Variants in ZNF407 observed in about 807,000 individuals in gnomAD.
The protein encoded by ZNF407 is zinc finger protein 407.
ZNF407 carries 17 observed loss-of-function variants against 131.2 expected under a neutral mutation model. The ratio of observed to expected loss-of-function variants is 0.13; its 90% CI spans 0.09 to 0.19. The LOEUF (loss-of-function observed/expected upper bound fraction) is 0.19. ZNF407 is among the 10% of genes least tolerant of loss of function. ZNF407 has a pLI of 1.00. For synonymous variants in ZNF407, 1,156 were observed against 1,062.0 expected (o/e 1.09, Z -1.72); for missense variants, 2,681 against 2,830.6 (o/e 0.95, Z 1.20).
intron 4 of ZNF407, among the ~76,000 whole-genome samples, chr18:74,822,624 ATC>A: frequency 1.3e-5 from 2 of 152,220 alleles, no homozygotes; most frequent in South Asian, 4.1e-4. Flanking sequence ...ATTGGTCTAT[ATC>A]TCTGTTTTGG....
intron 3 of ZNF407, among the ~76,000 whole-genome samples, chr18:74,666,122 G>C (rs1485478361): frequency 2.0e-5 from 3 of 152,194 alleles, no homozygotes; most frequent in African/African-American, 7.2e-5. Flanking sequence ...CAGCCTGACT[G>C]CTGTGTGCAC....
intron 1 of ZNF407, among the ~76,000 whole-genome samples, chr18:74,609,446 T>C (rs1599126253): frequency 6.6e-6 from 1 of 152,170 alleles, no homozygotes; most frequent in East Asian, 1.9e-4. Flanking sequence ...TGTAACTCAA[T>C]GGTAAGTATT....
At chr18:74,890,826 C>T (rs1213513184) in intron 7 of ZNF407, among the ~76,000 whole-genome samples, 1 of 152,184 alleles carries the variant, frequency 6.6e-6, no homozygotes, top group Non-Finnish European at 1.5e-5. Flanking sequence ...GAGAGAACAT[C>T]TCAGCCGTGG....
intron 7 of ZNF407, among the ~76,000 whole-genome samples, chr18:74,900,782 T>G (rs1031202744): frequency 3.3e-5 from 5 of 152,244 alleles, no homozygotes; most frequent in Admixed American, 6.5e-5. Flanking sequence ...CACCTATCTT[T>G]TGTTCAGCTT....
At chr18:74,852,191 A>ACACACACG (rs71170325) in intron 4 of ZNF407, among the ~76,000 whole-genome samples, 1 of 74,268 alleles carries the variant, frequency 1.3e-5, no homozygotes, top group Non-Finnish European at 3.0e-5. Context: ...ACACACACAC[A>ACACACACG]CACACACGCA....
chr18:74,697,693 A>G (rs769244911), intron 3 of ZNF407, among the ~76,000 whole-genome samples: 30 of 152,190 alleles, frequency 2.0e-4, no homozygotes, highest in Non-Finnish European at 3.5e-4. Context: ...AAAAAAACCT[A>G]CTTAATTAAA....
chr18:74,734,289 A>C (rs1246612394), intron 3 of ZNF407, among the ~76,000 whole-genome samples: 3 of 152,196 alleles, frequency 2.0e-5, no homozygotes, highest in Non-Finnish European at 4.4e-5. Context: ...ATCACCTCAC[A>C]GCCCAGTATT....
At chr18:74,675,395 C>A (rs374200906) in intron 3 of ZNF407, among the ~76,000 whole-genome samples, 1 of 152,294 alleles carries the variant, frequency 6.6e-6, no homozygotes, top group South Asian at 2.1e-4. Context: ...CTTTCTTTAG[C>A]CTCTTAAGCA....
intron 7 of ZNF407, among the ~76,000 whole-genome samples, chr18:74,900,938 A>G (rs1971516483): frequency 1.3e-5 from 2 of 152,144 alleles, no homozygotes; most frequent in Non-Finnish European, 1.5e-5. Flanking sequence ...TTTTTTCTAG[A>G]AATATGTAAT....
intron 8 of ZNF407, among the ~76,000 whole-genome samples, chr18:75,021,246 A>G (rs578164707): frequency 6.6e-6 from 1 of 151,896 alleles, no homozygotes; most frequent in Non-Finnish European, 1.5e-5. Context: ...TGTGTGTTTT[A>G]TATAATACAT....
intron 8 of ZNF407, among the ~76,000 whole-genome samples, chr18:74,922,184 A>G (rs1363460112): frequency 6.6e-6 from 1 of 152,240 alleles, no homozygotes; most frequent in African/African-American, 2.4e-5. Context: ...AGTCGAGTTG[A>G]AATATCTCTG....
rs192127157 is a variant in ZNF407, at chr18:74,891,882, C to T, written c.5249+1844C>T. Among the ~76,000 whole-genome samples the T allele has an allele frequency of 2.5e-4, 38 of 151,926 alleles. No individual in the cohort carries two copies. The East Asian group carries it at 5.2e-3, about 21-fold the overall frequency. Reference sequence around the variant, plus strand: ...ATAAGGTTTTTATTACTGTTGTTGGCGGGGGATTTTTTTGTTTCAGTATAT... The same window carrying T: ...ATAAGGTTTTTATTACTGTTGTTGGTGGGGGATTTTTTTGTTTCAGTATAT... On this transcript the variant is annotated intron_variant, in intron 7 of 8. Coordinates refer to ENST00000299687, the MANE Select transcript of ZNF407 (RefSeq NM_017757.3).
At chr18:74,657,070 A>C (rs1985491133) in intron 3 of ZNF407, among the ~76,000 whole-genome samples, 1 of 145,080 alleles carries the variant, frequency 6.9e-6, no homozygotes, top group African/African-American at 2.6e-5. Flanking sequence ...ATTCCAGCCA[A>C]GTGTTGAACT....
rs529603701 is a variant in ZNF407, at chr18:74,995,588, A to G, written c.5429-67562A>G. Among the ~76,000 whole-genome samples the G allele has an allele frequency of 2.2e-3, 339 of 152,134 alleles. 2 individuals carry two copies. The highest frequency in any genetic ancestry group is 7.4e-3 in the African/African-American group (308 of 41,492). ...CTCTGTCTCACTGTGCATTTGTTAT[A>G]TTTCTTTTTTCTTTCTGTTTTCTAG... On this transcript the variant is annotated intron_variant, in intron 8 of 8. Coordinates refer to ENST00000299687, the MANE Select transcript of ZNF407 (RefSeq NM_017757.3).
intron 3 of ZNF407, among the ~76,000 whole-genome samples, chr18:74,721,277 T>C (rs897421277): frequency 6.6e-6 from 1 of 152,146 alleles, no homozygotes; most frequent in African/African-American, 2.4e-5. Flanking sequence ...CGGGACCACT[T>C]TCTTGATTTC....
At chr18:74,940,969 T>C (rs1568277277) in intron 8 of ZNF407, among the ~76,000 whole-genome samples, 1 of 152,162 alleles carries the variant, frequency 6.6e-6, no homozygotes, top group Non-Finnish European at 1.5e-5. Flanking sequence ...TGAACTTTCT[T>C]TCTAGACGCT....
At chr18:74,897,779 C>G (rs534780448) in intron 7 of ZNF407, among the ~76,000 whole-genome samples, 3 of 152,292 alleles carry the variant, frequency 2.0e-5, no homozygotes, top group African/African-American at 7.2e-5. Flanking sequence ...GGAAAACTCT[C>G]TAATCTCCAG....
chr18:74,991,198 C>T (rs538812550), intron 8 of ZNF407, among the ~76,000 whole-genome samples: 59 of 152,202 alleles, frequency 3.9e-4, no homozygotes, highest in Admixed American at 1.0e-3. Context: ...GCTGATAGCA[C>T]GCAGATAAAA....
intron 3 of ZNF407, among the ~76,000 whole-genome samples, chr18:74,780,109 A>G (rs1969569086): frequency 1.3e-5 from 2 of 151,928 alleles, no homozygotes; most frequent in South Asian, 4.1e-4. Context: ...CCAGTTGTTT[A>G]TAGTTGTAAA....
Sources: gnomAD v4.1 joint callset for allele counts (sites outside exome capture counted in the v4.1 genomes callset) on GRCh38, gnomAD v4.1.1 for gene constraint, MANE v1.5 for transcripts, NCBI Gene and HGNC (gene_info 2026-07-23, HGNC 2026-07-21) for gene names.